Variants in RANBP2 observed in about 807,000 individuals in gnomAD.
RANBP2 encodes E3 SUMO-protein ligase RanBP2.
In RANBP2, 57 loss-of-function variants were observed where a neutral mutation model predicts 303.6. The ratio of observed to expected loss-of-function variants is 0.19; its 90% confidence interval spans 0.15 to 0.23. The LOEUF (loss-of-function observed/expected upper bound fraction) is 0.23. Among genes scored for constraint, RANBP2 ranks in the 10% least tolerant of loss-of-function variants. RANBP2 has a pLI of 1.00. For synonymous variants in RANBP2, 1,167 were observed against 1,301.5 expected, an observed-to-expected ratio of 0.90 and a Z score of 2.23; for missense variants, 3,138 against 3,780.8, an observed-to-expected ratio of 0.83 and a Z score of 4.46.
the RANBP2 span, among the ~76,000 whole-genome samples, chr2:109,260,924 G>C: frequency 1.1e-3 from 172 of 152,290 alleles, 1 homozygote; most frequent in African/African-American, 3.9e-3. Context: ...TGAGAGGAAG[G>C]CCACTCTGTT....
the RANBP2 span, chr2:109,665,680 C>A: frequency 6.1e-6 from 1 of 164,432 alleles, no homozygotes; most frequent in Non-Finnish European, 1.4e-5. Flanking sequence ...AAAATGTATG[C>A]TACCTGCGGG....
At chr2:108,948,515 G>T in the RANBP2 span, among the ~76,000 whole-genome samples, 1 of 152,200 alleles carries the variant, frequency 6.6e-6, no homozygotes, top group African/African-American at 2.4e-5. Flanking sequence ...AAAGAAAGGA[G>T]ATTTAATTGA....
chr2:109,168,241 T>G, the RANBP2 span, among the ~76,000 whole-genome samples: 24 of 152,364 alleles, frequency 1.6e-4, no homozygotes, highest in Non-Finnish European at 2.5e-4. Context: ...AGATCAAAAC[T>G]ATACATTTTC....
At chr2:109,693,155 C>A in the RANBP2 span, among the ~76,000 whole-genome samples, 1 of 151,818 alleles carries the variant, frequency 6.6e-6, no homozygotes, top group East Asian at 1.9e-4. Flanking sequence ...TTGATAAAAT[C>A]TTGGTCTCCA....
intron 28 of RANBP2, among the ~76,000 whole-genome samples, chr2:108,783,154 CA>C: frequency 6.6e-6 from 1 of 151,572 alleles, no homozygotes; most frequent in Non-Finnish European, 1.5e-5. Context: ...GCCTGGGTAA[CA>C]TGGCAAAAAT....
chr2:109,632,295 G>A, the RANBP2 span, among the ~76,000 whole-genome samples: 35 of 152,252 alleles, frequency 2.3e-4, no homozygotes, highest in Non-Finnish European at 3.7e-4. Context: ...CAAACCTAAG[G>A]GGGTCATGGG....
the RANBP2 span, chr2:109,615,719 C>T: frequency 3.1e-6 from 5 of 1,613,486 alleles, no homozygotes; most frequent in African/African-American, 1.3e-5. Flanking sequence ...GTAGCGGCGG[C>T]GGGCGCTGGA....
chr2:108,900,908 G>A, the RANBP2 span, among the ~76,000 whole-genome samples: 1 of 152,072 alleles, frequency 6.6e-6, no homozygotes, highest in Non-Finnish European at 1.5e-5. Flanking sequence ...AACAAAAACT[G>A]ATAGACCTGA....
chr2:109,062,333 C>A, the RANBP2 span, among the ~76,000 whole-genome samples: 1 of 152,278 alleles, frequency 6.6e-6, no homozygotes, highest in African/African-American at 2.4e-5. Flanking sequence ...CCTGCATCAG[C>A]GACAGAGGGA....
the RANBP2 span, among the ~76,000 whole-genome samples, chr2:109,677,214 C>T: frequency 5.9e-5 from 9 of 152,182 alleles, no homozygotes; most frequent in African/African-American, 1.9e-4. Flanking sequence ...TCACTTTTGT[C>T]ACCAGCCAGC....
At chr2:108,846,907 T>C in the RANBP2 span, 4 of 1,608,636 alleles carry the variant, frequency 2.5e-6, no homozygotes, top group Non-Finnish European at 3.4e-6. Context: ...TCAACCTTAA[T>C]TGTTCTCAAA....
chr2:109,175,293 T>G, the RANBP2 span, among the ~76,000 whole-genome samples: 1 of 152,232 alleles, frequency 6.6e-6, no homozygotes, highest in Non-Finnish European at 1.5e-5. Context: ...CGCTAATCTT[T>G]GCATGGTTTT....
chr2:108,924,327 C>T, the RANBP2 span, among the ~76,000 whole-genome samples: 1 of 152,224 alleles, frequency 6.6e-6, no homozygotes, highest in Admixed American at 6.5e-5. Context: ...GCTGGCACCA[C>T]CCTCTCCTTG....
the RANBP2 span, among the ~76,000 whole-genome samples, chr2:109,491,339 C>T: frequency 7.2e-5 from 11 of 152,290 alleles, no homozygotes; most frequent in African/African-American, 2.6e-4. Context: ...AGCAGCTCTT[C>T]CCTCGCAAGC....
the RANBP2 span, among the ~76,000 whole-genome samples, chr2:109,140,217 T>C: frequency 6.6e-6 from 1 of 152,218 alleles, no homozygotes; most frequent in Non-Finnish European, 1.5e-5. Context: ...TGCACGTGGT[T>C]GCATGTGGTT....
the RANBP2 span, among the ~76,000 whole-genome samples, chr2:108,941,202 A>G: frequency 1.3e-5 from 2 of 152,330 alleles, no homozygotes; most frequent in South Asian, 4.1e-4. Context: ...ATTCCACTGC[A>G]TTCGTAAACC....
At chr2:109,661,910 C>T in the RANBP2 span, among the ~76,000 whole-genome samples, 1 of 152,116 alleles carries the variant, frequency 6.6e-6, no homozygotes, top group African/African-American at 2.4e-5. Flanking sequence ...TTGACTTCTC[C>T]CTCTTCCCTA....
chr2:108,943,735 G>T, the RANBP2 span, among the ~76,000 whole-genome samples: 4 of 152,156 alleles, frequency 2.6e-5, no homozygotes, highest in African/African-American at 9.7e-5. Context: ...TCTCCAGTTT[G>T]GGGGAGATGA....
chr2:108,775,574 GC>G, intron 23 of RANBP2, 157 bp from the exon 24 acceptor site: 1 of 191,500 alleles, frequency 5.2e-6, no homozygotes, highest in Admixed American at 6.5e-5. Flanking sequence ...TTCAGTGTAG[GC>G]ATTTAGTTAT....
Sources: allele counts gnomAD v4.1 joint callset (sites outside exome capture counted in the v4.1 genomes callset), GRCh38; gene constraint gnomAD v4.1.1; transcripts MANE v1.5; gene names NCBI Gene and HGNC (gene_info 2026-07-23, HGNC 2026-07-21).